Variants in CIITA observed in about 807,000 individuals in gnomAD.
CIITA encodes class II major histocompatibility complex transactivator, also known as MHC class II transactivator.
In CIITA, 72 loss-of-function variants were observed where a neutral mutation model predicts 115.1. The observed-to-expected ratio is 0.63, with a 90% confidence interval of 0.52 to 0.76. The LOEUF (loss-of-function observed/expected upper bound fraction) is 0.76, where lower values mean the gene tolerates loss of function less well. Ranked by LOEUF, CIITA falls within the 30% of genes least tolerant of loss-of-function variation. CIITA has a pLI of 0.00. For synonymous variants in CIITA, 763 were observed against 635.6 expected (o/e 1.20, Z -3.02); for missense variants, 1,617 against 1,463.8 (o/e 1.10, Z -1.71).
At chr16:10,897,006 T>C (rs1018995853) in intron 3 of CIITA, among the ~76,000 whole-genome samples, 10 of 152,184 alleles carry the variant, frequency 6.6e-5, no homozygotes, top group Non-Finnish European at 1.2e-4. Context: ...AGGCAGTCAT[T>C]AAGGATTTGG....
chr16:10,911,591 G>T (rs1269749862), intron 13 of CIITA, among the ~76,000 whole-genome samples: 1 of 146,092 alleles, frequency 6.8e-6, no homozygotes, highest in Non-Finnish European at 1.5e-5. Flanking sequence ...GTCTTACTCT[G>T]TCCCTCAGGC....
Position 10,913,639 on chromosome 16 carries a change from C to G in CIITA, c.2889-1931C>G, listed in dbSNP as rs559068176. Among the ~76,000 whole-genome samples, 298 of 149,826 alleles carry G rather than the reference C, an allele frequency of 2.0e-3. 1 individual carries two copies. Among genetic ancestry groups the G allele is most frequent in the Non-Finnish European group, 3.7e-3 (252 of 67,530 alleles). On this transcript the variant is annotated intron_variant, in intron 13 of 19. Transcript: ENST00000324288. ...TCAGTGAGGTCTTTTCTGACCCTCA[C>G]AGTTAAAAATAAAACTCTGGCCAGG...
In CIITA at chr16:10,926,957, A is replaced by C. The variant is rs373137511; in HGVS notation, c.*3102A>C. On this transcript the variant is annotated 3_prime_UTR_variant, in exon 20 of 20. Coordinates refer to ENST00000324288, the MANE Select transcript of CIITA (RefSeq NM_000246.4). Reference sequence around the variant, plus strand: ...TGTGCTAAACTCCTACTCAAGAGGGATAAGAGTCTAGGGGCAAGTGGCAGA... The same window carrying C: ...TGTGCTAAACTCCTACTCAAGAGGGCTAAGAGTCTAGGGGCAAGTGGCAGA... 2.2e-4 allele frequency: 34 copies of C among 152,128 alleles called. No individual in the cohort carries two copies. Among genetic ancestry groups the C allele is most frequent in the African/African-American group, 8.2e-4 (34 of 41,402 alleles). The allele number at this position is 152,128 out of a possible 1,614,324, so 9.4% of individuals were successfully genotyped here.
chr16:10,899,228 C>T (rs1331239841), intron 5 of CIITA, among the ~76,000 whole-genome samples: 1 of 152,170 alleles, frequency 6.6e-6, no homozygotes, highest in Non-Finnish European at 1.5e-5. Flanking sequence ...TATGGCCCTT[C>T]CTCCCTCTCC....
chr16:10,899,029 C>G (rs760644448), intron 5 of CIITA, 27 bp downstream of exon 5: 22 of 1,610,828 alleles, frequency 1.4e-5, no homozygotes, highest in Non-Finnish European at 1.8e-5. Flanking sequence ...CTGATCCAAC[C>G]TAGCCTTGCT....
Position 10,935,777 on chromosome 16 carries a change from G to A in CIITA, c.*11922G>A, listed in dbSNP as rs1177194061. On this transcript the variant is annotated 3_prime_UTR_variant, in exon 20 of 20. Coordinates refer to ENST00000324288, the MANE Select transcript of CIITA (RefSeq NM_000246.4). ...ATGCCTCATCTGAATCTAATCTCGAGTATAACCATCAGACAAACCCAAATT... is the reference window on the plus strand; with the variant it reads ...ATGCCTCATCTGAATCTAATCTCGAATATAACCATCAGACAAACCCAAATT... 6.6e-6 allele frequency: 1 copy of A among 152,170 alleles called. No individual in the cohort carries two copies. The highest frequency in any genetic ancestry group is 1.9e-4 in the East Asian group (1 of 5,198). The allele number at this position is 152,170 out of a possible 1,614,324, so 9.4% of individuals were successfully genotyped here.
chr16:10,919,393 C>T (rs1347002979), intron 16 of CIITA, among the ~76,000 whole-genome samples: 3 of 152,148 alleles, frequency 2.0e-5, no homozygotes, highest in South Asian at 4.1e-4. Context: ...GACAGGGTTT[C>T]GCCATGTTGG....
At chr16:10,881,254 C>G (rs2036401315) in intron 1 of CIITA, among the ~76,000 whole-genome samples, 1 of 151,422 alleles carries the variant, frequency 6.6e-6, no homozygotes, top group Non-Finnish European at 1.5e-5. Flanking sequence ...GCTGAGATTG[C>G]ACCACTGCAC....
chr16:10,878,222 T>C (rs1312364325), intron 1 of CIITA, among the ~76,000 whole-genome samples: 1 of 152,094 alleles, frequency 6.6e-6, no homozygotes, highest in Non-Finnish European at 1.5e-5. Flanking sequence ...AAATGTATGG[T>C]TTGCTTTGAA....
upstream of CIITA, among the ~76,000 whole-genome samples, chr16:10,874,505 T>G (rs1425693973): frequency 6.6e-6 from 1 of 152,220 alleles, no homozygotes; most frequent in African/African-American, 2.4e-5. Context: ...TGGGTACCAC[T>G]GCCACTCATC....
At chr16:10,899,121 C>G in intron 5 of CIITA, 119 bp downstream of exon 5, 2 of 960,502 alleles carry the variant, frequency 2.1e-6, no homozygotes, top group Non-Finnish European at 3.3e-6. Context: ...GGTTGGGAGG[C>G]CCTTTAAAAG....
In CIITA at chr16:10,895,448, G is replaced by C. The variant is rs772510588; in HGVS notation, c.199+20G>C. ...ACTCAGGTGGGCCCTCCTCCCTCTG[G>C]TCTCTTCCGGTATCCCCCACCCCTC... On this transcript the variant is annotated intron_variant, in intron 2 of 19. Transcript: ENST00000324288. 5.0e-6 allele frequency: 8 copies of C among 1,612,100 alleles called. No individual in the cohort carries two copies.
Position 10,935,372 on chromosome 16 carries a change from C to T in CIITA, c.*11517C>T, listed in dbSNP as rs2040984819. On this transcript the variant is annotated 3_prime_UTR_variant, in exon 20 of 20. Transcript: ENST00000324288. ...TGTTTATCACCCGACAGTTGTTAATCTCTTTTTAACAAAGAATACAGGCCA... is the reference window on the plus strand; with the variant it reads ...TGTTTATCACCCGACAGTTGTTAATTTCTTTTTAACAAAGAATACAGGCCA... 2.0e-5 allele frequency: 3 copies of T among 152,212 alleles called. No homozygotes were observed. Among genetic ancestry groups the T allele is most frequent in the Non-Finnish European group, 1.5e-5 (1 of 68,038 alleles). 9.4% of individuals were successfully genotyped at this position (152,212 alleles called of 1,614,324 possible).
intron 1 of CIITA, among the ~76,000 whole-genome samples, chr16:10,893,101 C>A (rs2144175906): frequency 6.6e-6 from 1 of 152,192 alleles, no homozygotes; most frequent in East Asian, 1.9e-4. Flanking sequence ...GCCACAAGAC[C>A]ACAAGTCAAG....
At chr16:10,893,670 G>T (rs1242948992) in intron 1 of CIITA, among the ~76,000 whole-genome samples, 1 of 151,808 alleles carries the variant, frequency 6.6e-6, no homozygotes, top group Non-Finnish European at 1.5e-5. Flanking sequence ...TTAGCCGGGT[G>T]TGGTGGTGGG....
At chr16:10,912,937 C>T (rs2039681668) in intron 13 of CIITA, among the ~76,000 whole-genome samples, 1 of 152,254 alleles carries the variant, frequency 6.6e-6, no homozygotes, top group South Asian at 2.1e-4. Context: ...CTGTAGACCT[C>T]ATCTGTCTGT....
At chr16:10,887,378 G>A (rs2037063052) in intron 1 of CIITA, among the ~76,000 whole-genome samples, 1 of 152,208 alleles carries the variant, frequency 6.6e-6, no homozygotes, top group Non-Finnish European at 1.5e-5. Flanking sequence ...ATGTACTCAG[G>A]ATCAAAGGCA....
chr16:10,889,647 G>A (rs751538147), intron 1 of CIITA, among the ~76,000 whole-genome samples: 1 of 151,996 alleles, frequency 6.6e-6, no homozygotes, highest in Admixed American at 6.6e-5. Context: ...AGCCTCCCAA[G>A]TAGCTGGGAT....
chr16:10,878,589 C>G (rs988891807), intron 1 of CIITA, among the ~76,000 whole-genome samples: 1 of 152,194 alleles, frequency 6.6e-6, no homozygotes, highest in Non-Finnish European at 1.5e-5. Context: ...GCCATGTGCC[C>G]TCGGAGGTGG....
Sources: allele counts gnomAD v4.1 joint callset (sites outside exome capture counted in the v4.1 genomes callset), GRCh38; gene constraint gnomAD v4.1.1; transcripts MANE v1.5; gene names NCBI Gene and HGNC (gene_info 2026-07-23, HGNC 2026-07-21).